PCDHA11: variants seen among roughly 807,000 people sequenced by gnomAD.
PCDHA11 encodes protocadherin alpha 11, also known as protocadherin alpha-11.
PCDHA11 carries 61 observed loss-of-function variants against 70.3 expected under a neutral mutation model. The observed-to-expected ratio is 0.87, with a 90% CI of 0.71 to 1.07. The LOEUF (loss-of-function observed/expected upper bound fraction) is 1.07, where lower values mean the gene tolerates loss of function less well. PCDHA11 is among the 50% of genes least tolerant of loss of function. PCDHA11 has a pLI of 0.00. For missense variants in PCDHA11, 1,324 were observed against 1,237.5 expected, an observed-to-expected ratio of 1.07 and a Z score of -1.05; for synonymous variants, 633 against 555.1, an observed-to-expected ratio of 1.14 and a Z score of -1.97.
intron 1 of PCDHA11, among the ~76,000 whole-genome samples, chr5:140,880,418 G>T (rs1554171267): frequency 6.6e-6 from 1 of 152,090 alleles, no homozygotes; most frequent in Non-Finnish European, 1.5e-5. Flanking sequence ...CTTAAAAGCG[G>T]GAACAGTTTT....
At chr5:141,005,303 A>T (rs2098205194) in intron 3 of PCDHA11, among the ~76,000 whole-genome samples, 2 of 152,212 alleles carry the variant, frequency 1.3e-5, no homozygotes, top group Non-Finnish European at 2.9e-5. Context: ...TGCCTTTGTG[A>T]ATCTTACAGT....
chr5:140,877,964 T>C lies in PCDHA11; in HGVS notation c.2391+6470T>C, dbSNP rs1582419472. On this transcript the variant is annotated intron_variant, in intron 1 of 3. Coordinates refer to ENST00000398640, the MANE Select transcript of PCDHA11 (RefSeq NM_018902.5). ...AAACTATCGAATGTCTCATCTTTCTTGGTCATTCTTACTCATTTTGAACTT... is the reference window on the plus strand; with the variant it reads ...AAACTATCGAATGTCTCATCTTTCTCGGTCATTCTTACTCATTTTGAACTT... 3 of 1,310,338 alleles carry C rather than the reference T, an allele frequency of 2.3e-6. No individual in the cohort carries two copies. The East Asian group carries it at 7.9e-5, about 34-fold the overall frequency. 81.2% of individuals were successfully genotyped at this position (1,310,338 alleles called of 1,614,324 possible). A position where few individuals can be genotyped will look rare whatever the true frequency, so the allele number is the denominator to read the frequency against.
intron 1 of PCDHA11, chr5:140,927,082 C>G (rs141480000): frequency 6.2e-7 from 1 of 1,611,100 alleles, no homozygotes; most frequent in Non-Finnish European, 8.5e-7. Flanking sequence ...CCACCGCGAG[C>G]TCTACTTCGG....
intron 1 of PCDHA11, among the ~76,000 whole-genome samples, chr5:140,976,053 A>G (rs1174656934): frequency 2.6e-5 from 4 of 152,222 alleles, no homozygotes; most frequent in Non-Finnish European, 5.9e-5. Flanking sequence ...AAATTGTGAT[A>G]GTAATATATG....
intron 3 of PCDHA11, among the ~76,000 whole-genome samples, chr5:140,993,762 A>G (rs1019928055): frequency 2.6e-5 from 4 of 152,204 alleles, no homozygotes; most frequent in Non-Finnish European, 4.4e-5. Flanking sequence ...TTATATTACA[A>G]TTGCGCAGTA....
intron 3 of PCDHA11, among the ~76,000 whole-genome samples, chr5:141,005,404 G>A (rs1265064301): frequency 6.6e-6 from 1 of 152,166 alleles, no homozygotes; most frequent in Non-Finnish European, 1.5e-5. Context: ...CAGACTTGAA[G>A]AGTGAGGAGT....
intron 3 of PCDHA11, among the ~76,000 whole-genome samples, chr5:140,993,515 G>T (rs1351377291): frequency 6.7e-6 from 1 of 149,364 alleles, no homozygotes; most frequent in East Asian, 1.9e-4. Context: ...CACACGGGGA[G>T]AGAGAGACAG....
At chr5:140,975,364 C>G (rs2096664243) in intron 1 of PCDHA11, among the ~76,000 whole-genome samples, 1 of 152,204 alleles carries the variant, frequency 6.6e-6, no homozygotes, top group South Asian at 2.1e-4. Flanking sequence ...TGCTACATAG[C>G]ATAATGTAAT....
chr5:141,010,321 G>C lies in PCDHA11; in HGVS notation c.*384G>C. On this transcript the variant is annotated 3_prime_UTR_variant, in exon 4 of 4. Transcript: ENST00000398640. Reference sequence around the variant, plus strand: ...GGCTGAAAAGTTTTGAGATTGAGCAGCTTGGGAGTTTGTGGCCACTGGGTA... The same window carrying C: ...GGCTGAAAAGTTTTGAGATTGAGCACCTTGGGAGTTTGTGGCCACTGGGTA... 7 of 1,541,244 alleles carry C rather than the reference G, an allele frequency of 4.5e-6. No homozygotes were observed. In the South Asian group the frequency reaches 8.5e-5, roughly 19 times the overall value.
At chr5:140,915,479 G>T (rs1170530979) in intron 1 of PCDHA11, among the ~76,000 whole-genome samples, 1 of 151,948 alleles carries the variant, frequency 6.6e-6, no homozygotes, top group African/African-American at 2.4e-5. Flanking sequence ...AAGGAGCTTG[G>T]GCCTCAATCC....
intron 1 of PCDHA11, among the ~76,000 whole-genome samples, chr5:140,887,841 T>C (rs1024646010): frequency 2.6e-5 from 4 of 152,224 alleles, no homozygotes; most frequent in African/African-American, 7.2e-5. Context: ...ATATCTTTTA[T>C]TGACATATTT....
chr5:140,874,695 T>C (rs1278085784), intron 1 of PCDHA11, among the ~76,000 whole-genome samples: 1 of 152,228 alleles, frequency 6.6e-6, no homozygotes, highest in East Asian at 1.9e-4. Flanking sequence ...TAACATGTTA[T>C]GGAAATGAGA....
At chr5:140,993,462 T>TCACACACACACACACA (rs3836747) in intron 3 of PCDHA11, among the ~76,000 whole-genome samples, 10 of 140,938 alleles carry the variant, frequency 7.1e-5, no homozygotes, top group African/African-American at 2.4e-4. Flanking sequence ...TCTTTCTTTC[T>TCACACACACACACACA]CACACACACA....
intron 1 of PCDHA11, among the ~76,000 whole-genome samples, chr5:140,916,847 C>G (rs1276107761): frequency 6.6e-6 from 1 of 152,116 alleles, no homozygotes; most frequent in Non-Finnish European, 1.5e-5. Flanking sequence ...GAGCCCAGCC[C>G]AGCACTAGGA....
chr5:140,877,255 C>A (rs1554169516), intron 1 of PCDHA11: 2 of 1,613,708 alleles, frequency 1.2e-6, no homozygotes, highest in Non-Finnish European at 8.5e-7. Flanking sequence ...GGCGAAAGTG[C>A]GCGCGGTGGA....
At chr5:141,006,313 G>A (rs190584023) in intron 3 of PCDHA11, among the ~76,000 whole-genome samples, 18 of 152,072 alleles carry the variant, frequency 1.2e-4, no homozygotes, top group Admixed American at 1.1e-3. Context: ...CCGGGTTCAT[G>A]CCATTCTCCT....
At chr5:141,006,579 T>C (rs1208750821) in intron 3 of PCDHA11, among the ~76,000 whole-genome samples, 1 of 151,702 alleles carries the variant, frequency 6.6e-6, no homozygotes, top group Non-Finnish European at 1.5e-5. Context: ...GTGTGGAGGG[T>C]TGGAGAGAAG....
At chr5:140,888,956 G>T (rs1043287613) in intron 1 of PCDHA11, among the ~76,000 whole-genome samples, 2 of 151,722 alleles carry the variant, frequency 1.3e-5, no homozygotes, top group Non-Finnish European at 2.9e-5. Flanking sequence ...TTTTTCTTTG[G>T]CAATGTTAAT....
Position 140,928,056 on chromosome 5 carries a change from G to A in PCDHA11, c.2392-50893G>A, listed in dbSNP as rs183490994. ...CTAGTGCAGGCCCTTTTCAGCTGAC[G>A]GCTTCCTTTGACAACTACTACAGCC... On this transcript the variant is annotated intron_variant, in intron 1 of 3. Coordinates refer to ENST00000398640, the MANE Select transcript of PCDHA11 (RefSeq NM_018902.5). The A allele has an allele frequency of 2.8e-5, 45 of 1,614,154 alleles. 1 individual carries two copies. The East Asian group carries it at 4.7e-4, about 17-fold the overall frequency.
Sources: gnomAD v4.1 joint callset for allele counts (sites outside exome capture counted in the v4.1 genomes callset) on GRCh38, gnomAD v4.1.1 for gene constraint, MANE v1.5 for transcripts, NCBI Gene and HGNC (gene_info 2026-07-23, HGNC 2026-07-21) for gene names.